The following MYLK4 variants were observed in gnomAD, a reference collection of about 807,000 sequenced individuals.
MYLK4 encodes the protein myosin light chain kinase family member 4.
In MYLK4, 46 loss-of-function variants were observed where a neutral mutation model predicts 48.1. That is an observed-to-expected ratio of 0.96 (90% CI 0.75 to 1.22). The LOEUF (loss-of-function observed/expected upper bound fraction) is 1.22, where lower values mean the gene tolerates loss of function less well. Among genes scored for constraint, MYLK4 ranks in the 50% most tolerant of loss-of-function variants. The pLI, the probability that MYLK4 is intolerant of heterozygous loss-of-function variation, is 0.00. For synonymous variants in MYLK4, 170 were observed against 180.8 expected, an observed-to-expected ratio of 0.94 and a Z score of 0.48; for missense variants, 451 against 486.1, an observed-to-expected ratio of 0.93 and a Z score of 0.68.
chr6:2,752,929 A>G (rs1020589477), upstream of MYLK4, among the ~76,000 whole-genome samples: 1 of 152,084 alleles, frequency 6.6e-6, no homozygotes, highest in Non-Finnish European at 1.5e-5. Flanking sequence ...TGCTGGCACA[A>G]CCCTTGACCA....
At chr6:2,733,639 T>C (rs999438712) in intron 2 of MYLK4, among the ~76,000 whole-genome samples, 7 of 152,172 alleles carry the variant, frequency 4.6e-5, no homozygotes, top group African/African-American at 1.7e-4. Context: ...TTTTTTATTA[T>C]AAGGTCTAAC....
chr6:2,765,552 G>A, the MYLK4 span: 6 of 1,364,908 alleles, frequency 4.4e-6, no homozygotes, highest in South Asian at 4.9e-5. Flanking sequence ...CCTAGCGGAG[G>A]GCATCGAAGG....
intron 2 of MYLK4, among the ~76,000 whole-genome samples, chr6:2,722,236 G>A (rs1467998700): frequency 1.3e-5 from 2 of 152,198 alleles, no homozygotes; most frequent in African/African-American, 4.8e-5. Flanking sequence ...CTGAAGGCAT[G>A]TAGAAAGGAT....
intron 10 of MYLK4, among the ~76,000 whole-genome samples, chr6:2,676,990 C>T (rs900736684): frequency 1.3e-5 from 2 of 151,950 alleles, no homozygotes; most frequent in African/African-American, 4.8e-5. Flanking sequence ...TAATAATAAC[C>T]TTGGCTGTTA....
At chr6:2,671,456 C>A in intron 11 of MYLK4, 108 bp from the exon 12 acceptor site, 1 of 1,038,164 alleles carries the variant, frequency 9.6e-7, no homozygotes, top group Non-Finnish European at 1.5e-6. Flanking sequence ...AGAAGGTGCT[C>A]TTCAAGAGAA....
At chr6:2,766,087 C>G in the MYLK4 span, 1 of 1,311,998 alleles carries the variant, frequency 7.6e-7, no homozygotes, top group South Asian at 2.2e-5. Context: ...CGTCTCCGCG[C>G]AGCTGGGACG....
intron 2 of MYLK4, among the ~76,000 whole-genome samples, chr6:2,725,577 A>AAG (rs748564605): frequency 0.027 from 3,446 of 128,248 alleles, 138 homozygotes; most frequent in African/African-American, 0.089. Context: ...GAAAGAAAGA[A>AAG]AAAGAAAGAG....
intron 2 of MYLK4, among the ~76,000 whole-genome samples, chr6:2,701,822 T>C (rs752176536): frequency 2.6e-5 from 4 of 152,172 alleles, no homozygotes; most frequent in Non-Finnish European, 5.9e-5. Flanking sequence ...CTTTAACCAA[T>C]GGCCAGGTGG....
Position 2,690,638 on chromosome 6 carries a change from G to A in MYLK4, c.236-1682C>T, listed in dbSNP as rs529250278. ...TCCCCATCAAGTCTATGGGTGTAGA[G>A]AACCAGGGTCCCAGGGAATCTCACC... On this transcript the variant is annotated intron_variant, in intron 3 of 12. Coordinates refer to ENST00000274643, the MANE Select transcript of MYLK4 (RefSeq NM_001012418.5). Among the ~76,000 whole-genome samples the A allele has an allele frequency of 2.0e-5, 3 of 152,076 alleles. No homozygotes were observed. In the South Asian group the frequency reaches 6.2e-4, roughly 32 times the overall value.
chr6:2,765,919 C>T, the MYLK4 span: 44 of 1,453,362 alleles, frequency 3.0e-5, no homozygotes, highest in Non-Finnish European at 3.6e-5. Flanking sequence ...GTGAGGAGGG[C>T]GACGACGGCG....
intron 2 of MYLK4, among the ~76,000 whole-genome samples, chr6:2,706,732 T>C (rs1223711614): frequency 6.6e-6 from 1 of 152,174 alleles, no homozygotes; most frequent in Non-Finnish European, 1.5e-5. Context: ...AGGGCGTGCA[T>C]TTCCATAGGA....
chr6:2,765,885 C>G, the MYLK4 span: 1 of 1,450,926 alleles, frequency 6.9e-7, no homozygotes, highest in Non-Finnish European at 9.1e-7. Context: ...ACCCCGACGG[C>G]AGCCGAGAGC....
intron 10 of MYLK4, among the ~76,000 whole-genome samples, chr6:2,675,916 C>T (rs1476970671): frequency 6.6e-6 from 1 of 151,802 alleles, no homozygotes; most frequent in African/African-American, 2.4e-5. Flanking sequence ...AATAGTGAAA[C>T]CCCGTCTCTA....
rs1223908185 is a variant in MYLK4, at chr6:2,680,278, A to T, written c.701T>A (p.Leu234Gln). The change falls in exon 8 of 13, where the codon CTG becomes CAG. Residue 234 changes from leucine to glutamine, a missense_variant. Transcript: ENST00000274643. ...LHLDLKPENI[L>Q]CVNRDAKQIK... ...TTGCTTAGCATCCCGATTCACACAC[A>T]GGATATTCTCAGGCTGCCAGGAGAA... 1.9e-6 allele frequency: 3 copies of T among 1,614,038 alleles called. No individual in the cohort carries two copies. Among genetic ancestry groups the T allele is most frequent in the Admixed American group, 3.3e-5 (2 of 60,000 alleles).
intron 2 of MYLK4, among the ~76,000 whole-genome samples, chr6:2,726,632 G>A (rs1378616139): frequency 8.3e-6 from 1 of 120,580 alleles, no homozygotes; most frequent in Non-Finnish European, 1.7e-5. Flanking sequence ...TTTTTTTTGA[G>A]ACAGAGTTTT....
intron 2 of MYLK4, among the ~76,000 whole-genome samples, chr6:2,730,840 CG>C (rs1290904036): frequency 6.6e-6 from 1 of 151,992 alleles, no homozygotes; most frequent in Non-Finnish European, 1.5e-5. Flanking sequence ...AGGTTGAAAG[CG>C]GGAGGTGTCA....
chr6:2,708,582 T>C (rs1334258147), intron 2 of MYLK4, among the ~76,000 whole-genome samples: 1 of 152,220 alleles, frequency 6.6e-6, no homozygotes, highest in Non-Finnish European at 1.5e-5. Flanking sequence ...TCGGCTATTC[T>C]AGTATGCTTA....
At chr6:2,737,118 T>C (rs879512124) in intron 2 of MYLK4, among the ~76,000 whole-genome samples, 18 of 152,114 alleles carry the variant, frequency 1.2e-4, no homozygotes, top group Non-Finnish European at 2.5e-4. Flanking sequence ...ATCGAGACCA[T>C]CCTGGCCAAC....
At chr6:2,678,151 G>T (rs1561832139) in intron 10 of MYLK4, 69 bp downstream of exon 10, 1 of 1,552,654 alleles carries the variant, frequency 6.4e-7, no homozygotes, top group South Asian at 1.2e-5. Flanking sequence ...AATTCGAACA[G>T]CCCTGGTGGT....
Sources: gnomAD v4.1 joint callset for allele counts (sites outside exome capture counted in the v4.1 genomes callset) on GRCh38, gnomAD v4.1.1 for gene constraint, MANE v1.5 for transcripts, NCBI Gene and HGNC (gene_info 2026-07-23, HGNC 2026-07-21) for gene names.